The following CFAP221 variants were observed in gnomAD, a reference collection of about 807,000 sequenced individuals.
CFAP221 encodes the protein cilia- and flagella-associated protein 221.
CFAP221 carries 97 observed loss-of-function variants against 113.1 expected under a neutral mutation model. The observed-to-expected ratio is 0.86, with a 90% CI of 0.73 to 1.02. The LOEUF (loss-of-function observed/expected upper bound fraction) is 1.02. Ranked by LOEUF, CFAP221 falls within the 50% of genes least tolerant of loss-of-function variation. The pLI, the probability that CFAP221 is intolerant of heterozygous loss-of-function variation, is 0.00. For synonymous variants in CFAP221, 331 were observed against 354.4 expected (o/e 0.93, Z 0.74); for missense variants, 1,025 against 1,013.4 (o/e 1.01, Z -0.16).
At chr2:119,588,939 G>C (rs930299817) in intron 7 of CFAP221, among the ~76,000 whole-genome samples, 2 of 152,152 alleles carry the variant, frequency 1.3e-5, no homozygotes, top group African/African-American at 4.8e-5. Flanking sequence ...GATAGCAAGG[G>C]GAGGTGGATC....
chr2:119,549,125 A>G lies in CFAP221; in HGVS notation c.180A>G (p.Ala60=), dbSNP rs1206495547. The G allele has an allele frequency of 4.6e-6, 7 of 1,535,088 alleles. No homozygotes were observed. The highest frequency in any genetic ancestry group is 6.1e-6 in the Non-Finnish European group (7 of 1,146,658). Reference sequence around the variant, plus strand: ...TTGTGAATAATAAGGTCATACAGGCAAGACCTGGCATAATACATTTTGGAG... The same window carrying G: ...TTGTGAATAATAAGGTCATACAGGCGAGACCTGGCATAATACATTTTGGAG... ...AKLVNNKVIQ[A]RPGIIHFGGY... Residue 60 remains alanine, a synonymous_variant, in exon 3 of 24, where the codon GCA becomes GCG. Coordinates refer to ENST00000413369, the MANE Select transcript of CFAP221 (RefSeq NM_001271049.2).
At chr2:119,647,663 C>T (rs1268479222) in intron 22 of CFAP221, among the ~76,000 whole-genome samples, 1 of 152,118 alleles carries the variant, frequency 6.6e-6, no homozygotes, top group African/African-American at 2.4e-5. Flanking sequence ...GCCCCATTTG[C>T]AAATGCCTCT....
rs966898453 is a variant in CFAP221, at chr2:119,651,963, T to C, written c.2319-11T>C. The C allele has an allele frequency of 6.2e-6, 10 of 1,600,840 alleles. No homozygotes were observed. Among genetic ancestry groups the C allele is most frequent in the East Asian group, 2.2e-5 (1 of 44,658 alleles). ...AAAGCAGTGCCCACTAAACATCTTA[T>C]TACTTTGCAGTGAGCTCTGTGAGCA... On this transcript the variant is annotated splice_polypyrimidine_tract_variant and intron_variant, in intron 22 of 23. Transcript: ENST00000413369.
chr2:119,614,744 A>G (rs1685411048), intron 13 of CFAP221, among the ~76,000 whole-genome samples: 1 of 152,244 alleles, frequency 6.6e-6, no homozygotes, highest in Non-Finnish European at 1.5e-5. Context: ...AAACCATATC[A>G]CTGGTTAAAA....
At position 119,608,544 on chromosome 2, in the gene CFAP221, A is replaced by C; in HGVS notation, c.1176A>C (p.Lys392Asn). The C allele has an allele frequency of 6.2e-7, 1 of 1,613,818 alleles. No homozygotes were observed. Among genetic ancestry groups the C allele is most frequent in the Non-Finnish European group, 8.5e-7 (1 of 1,179,886 alleles). Residue 392 changes from lysine to asparagine, a missense_variant, in exon 12 of 24, where the codon AAA becomes AAC. Coordinates refer to ENST00000413369, the MANE Select transcript of CFAP221 (RefSeq NM_001271049.2). ...AAGATCCTATGTCTTTTAAACTTAA[A>C]AAAGAGCTTACTGAAGAGTGGCAAA... is the stretch of plus-strand genomic sequence containing the variant. ...LGKDPMSFKLKKELTEEWQKA... is the reference protein window; with the variant it reads ...LGKDPMSFKLNKELTEEWQKA...
chr2:119,634,344 G>T (rs2104774011), intron 19 of CFAP221, among the ~76,000 whole-genome samples: 1 of 152,008 alleles, frequency 6.6e-6, no homozygotes, highest in African/African-American at 2.4e-5. Flanking sequence ...GCAGAAGCCT[G>T]TAGTCCCAGC....
In CFAP221 at chr2:119,551,144, C is replaced by G. The variant is rs552185456; in HGVS notation, c.240+1959C>G. ...TGTGGATAGATCACATTTGGTTTAT[C>G]CACTTATCAGCTGATGGATGTTGGA... On this transcript the variant is annotated intron_variant, in intron 3 of 23. Coordinates refer to ENST00000413369, the MANE Select transcript of CFAP221 (RefSeq NM_001271049.2). Among the ~76,000 whole-genome samples, 10 of 152,294 alleles carry G rather than the reference C, an allele frequency of 6.6e-5. No individual in the cohort carries two copies. In the East Asian group the frequency reaches 1.9e-3, roughly 29 times the overall value.
intron 6 of CFAP221, among the ~76,000 whole-genome samples, chr2:119,582,277 T>G (rs1236598238): frequency 6.6e-6 from 1 of 152,222 alleles, no homozygotes; most frequent in Non-Finnish European, 1.5e-5. Flanking sequence ...TTAACCATTT[T>G]TAAAAGTCAG....
chr2:119,607,688 C>T (rs921984052), intron 11 of CFAP221, among the ~76,000 whole-genome samples: 2 of 152,200 alleles, frequency 1.3e-5, no homozygotes, highest in African/African-American at 4.8e-5. Context: ...CCTGGAGCCC[C>T]TGGCAACCAC....
At chr2:119,615,119 C>A (rs762530419) in intron 13 of CFAP221, among the ~76,000 whole-genome samples, 3 of 152,208 alleles carry the variant, frequency 2.0e-5, no homozygotes, top group Non-Finnish European at 4.4e-5. Flanking sequence ...TGGCCAGCCT[C>A]ACTATACCCG....
At chr2:119,608,630 A>G in intron 12 of CFAP221, 41 bp downstream of exon 12, 1 of 1,528,888 alleles carries the variant, frequency 6.5e-7, no homozygotes, top group Non-Finnish European at 9.0e-7. Context: ...GTTTCGCTAG[A>G]TGTTTTTAAA....
chr2:119,574,484 C>T (rs558490580), intron 6 of CFAP221, among the ~76,000 whole-genome samples: 5 of 152,266 alleles, frequency 3.3e-5, no homozygotes, highest in South Asian at 2.1e-4. Flanking sequence ...TCAGAGTCTG[C>T]GCCACAGTAC....
chr2:119,626,480 C>G (rs1438780832), intron 15 of CFAP221, among the ~76,000 whole-genome samples: 4 of 152,080 alleles, frequency 2.6e-5, no homozygotes, highest in Non-Finnish European at 2.9e-5. Context: ...GTGACTAGAC[C>G]TCCTGTTTTG....
At chr2:119,632,887 A>C (rs1686874235) in intron 19 of CFAP221, among the ~76,000 whole-genome samples, 1 of 152,168 alleles carries the variant, frequency 6.6e-6, no homozygotes, top group East Asian at 1.9e-4. Flanking sequence ...ATATCATTTA[A>C]CAATAGCATC....
At chr2:119,575,624 G>A (rs1158496932) in intron 6 of CFAP221, among the ~76,000 whole-genome samples, 3 of 152,118 alleles carry the variant, frequency 2.0e-5, no homozygotes, top group South Asian at 2.1e-4. Flanking sequence ...AATGAATATA[G>A]CATTTCAGTT....
intron 3 of CFAP221, among the ~76,000 whole-genome samples, chr2:119,550,767 C>T (rs1680363727): frequency 6.6e-6 from 1 of 152,064 alleles, no homozygotes; most frequent in South Asian, 2.1e-4. Flanking sequence ...CATAAATTTA[C>T]CCATTTACAG....
intron 3 of CFAP221, among the ~76,000 whole-genome samples, chr2:119,551,199 A>T (rs944428454): frequency 6.6e-6 from 1 of 152,210 alleles, no homozygotes; most frequent in Non-Finnish European, 1.5e-5. Flanking sequence ...ATCATGAATG[A>T]TGCTGCTATG....
At chr2:119,552,333 ATTTC>A (rs1250329287) in intron 3 of CFAP221, among the ~76,000 whole-genome samples, 2,289 of 143,238 alleles carry the variant, frequency 0.016, 26 homozygotes, top group Non-Finnish European at 0.023. Context: ...AAATAGAAAT[ATTTC>A]TTTCTTTAAT....
At chr2:119,656,157 C>G in intron 23 of CFAP221, 3 of 516,060 alleles carry the variant, frequency 5.8e-6, no homozygotes, top group Non-Finnish European at 3.5e-6. Flanking sequence ...GAAACTGATG[C>G]AGCTGAGGCC....
Sources: gnomAD v4.1 joint callset for allele counts (sites outside exome capture counted in the v4.1 genomes callset) on GRCh38, gnomAD v4.1.1 for gene constraint, MANE v1.5 for transcripts, NCBI Gene and HGNC (gene_info 2026-07-23, HGNC 2026-07-21) for gene names.